TNRC6A: variants seen among roughly 807,000 people sequenced by gnomAD.
TNRC6A encodes the protein trinucleotide repeat-containing gene 6A protein.
In TNRC6A, 44 loss-of-function variants were observed where a neutral mutation model predicts 221.2. The ratio of observed to expected loss-of-function variants is 0.20; its 90% confidence interval spans 0.16 to 0.26. The LOEUF is 0.26. Ranked by LOEUF, TNRC6A falls within the 10% of genes least tolerant of loss-of-function variation. The pLI, the probability that TNRC6A is intolerant of heterozygous loss-of-function variation, is 1.00. For missense variants in TNRC6A, 2,199 were observed against 2,404.4 expected, an observed-to-expected ratio of 0.91 and a Z score of 1.79; for synonymous variants, 847 against 838.5, an observed-to-expected ratio of 1.01 and a Z score of -0.18.
In TNRC6A at chr16:24,789,633, C is replaced by T. The variant is rs2058053339; in HGVS notation, c.991C>T (p.Pro331Ser). Residue 331 changes from proline to serine, a missense_variant, in exon 6 of 25, where the codon CCT (proline) becomes TCT (serine). Coordinates refer to ENST00000395799, the MANE Select transcript of TNRC6A (RefSeq NM_014494.4). ...CACATGTCAGGTCTCTGTGGATGCTCCTGAAAGCAAATCTGAAAGTAGCAA... is the reference window on the plus strand; with the variant it reads ...CACATGTCAGGTCTCTGTGGATGCTTCTGAAAGCAAATCTGAAAGTAGCAA... Reference protein sequence around the residue: ...ISTCQVSVDAPESKSESSNNR... With the variant: ...ISTCQVSVDASESKSESSNNR... 1 of 1,614,040 alleles carries T rather than the reference C, an allele frequency of 6.2e-7. No homozygotes were observed. The highest frequency in any genetic ancestry group is 8.5e-7 in the Non-Finnish European group (1 of 1,180,010).
At chr16:24,727,386 A>G (rs778175909), upstream of TNRC6A, among the ~76,000 whole-genome samples, 5 of 152,026 alleles carry the variant, frequency 3.3e-5, no homozygotes, top group Non-Finnish European at 7.4e-5. Context: ...GGCTTTCTCA[A>G]CCTTGGTGCT....
chr16:24,688,192 G>A (rs1466833682), intron 2 of TNRC6A, among the ~76,000 whole-genome samples: 2 of 151,728 alleles, frequency 1.3e-5, no homozygotes, highest in Non-Finnish European at 1.5e-5. Flanking sequence ...GCTGATCTTG[G>A]CCTCCCAAAG....
intron 5 of TNRC6A, among the ~76,000 whole-genome samples, chr16:24,778,950 G>A (rs2057782937): frequency 6.6e-6 from 1 of 152,270 alleles, no homozygotes; most frequent in Admixed American, 6.5e-5. Context: ...AAGGAAGGTG[G>A]AATGGTACTG....
intron 2 of TNRC6A, among the ~76,000 whole-genome samples, chr16:24,653,799 T>G (rs903898343): frequency 2.0e-5 from 3 of 151,052 alleles, no homozygotes; most frequent in African/African-American, 7.3e-5. Context: ...AAAAGAAGCC[T>G]AGTTAACGTG....
At chr16:24,796,290 A>G (rs533531092) in intron 9 of TNRC6A, 103 of 232,410 alleles carry the variant, frequency 4.4e-4, no homozygotes, top group Non-Finnish European at 7.2e-4. Flanking sequence ...ATGCCAAGGA[A>G]TTTGAACTTT....
chr16:24,730,007 G>A (rs1267366240), intron 1 of TNRC6A, among the ~76,000 whole-genome samples, 161 bp downstream of exon 1: 1 of 147,858 alleles, frequency 6.8e-6, no homozygotes, highest in African/African-American at 2.4e-5. Context: ...GAGGCCGAGC[G>A]GGCGGCCCGG....
At chr16:24,744,103 A>C (rs2056951436) in intron 2 of TNRC6A, among the ~76,000 whole-genome samples, 1 of 152,172 alleles carries the variant, frequency 6.6e-6, no homozygotes, top group Non-Finnish European at 1.5e-5. Flanking sequence ...ACTTTGTAGA[A>C]TGTCCCTCAG....
intron 21 of TNRC6A, chr16:24,819,713 G>C: frequency 4.7e-6 from 1 of 213,458 alleles, no homozygotes; most frequent in South Asian, 7.4e-5. Flanking sequence ...GATCTCCTTT[G>C]GCAGCTCCTG....
chr16:24,620,452 T>C (rs1311946747), intron 1 of TNRC6A, among the ~76,000 whole-genome samples: 1 of 152,168 alleles, frequency 6.6e-6, no homozygotes, highest in Non-Finnish European at 1.5e-5. Context: ...TCAAAGAGTT[T>C]AGGCTTTCTT....
At chr16:24,789,197 A>G in intron 5 of TNRC6A, 35 bp from the exon 6 acceptor site, 1 of 1,525,756 alleles carries the variant, frequency 6.6e-7, no homozygotes, top group Non-Finnish European at 8.8e-7. Context: ...ATGGCCTAAC[A>G]CTTTATAAAT....
At chr16:24,782,915 C>G (rs978844151) in intron 5 of TNRC6A, among the ~76,000 whole-genome samples, 1 of 152,040 alleles carries the variant, frequency 6.6e-6, no homozygotes, top group African/African-American at 2.4e-5. Flanking sequence ...AAGGTTCTCT[C>G]GTATTCCCAA....
chr16:24,775,222 C>T (rs931377521), intron 4 of TNRC6A, among the ~76,000 whole-genome samples: 4 of 152,144 alleles, frequency 2.6e-5, no homozygotes, highest in Non-Finnish European at 5.9e-5. Context: ...ACAAAATTTT[C>T]ACCCATAATT....
intron 1 of TNRC6A, among the ~76,000 whole-genome samples, chr16:24,618,623 T>C (rs1030385175): frequency 2.0e-5 from 3 of 151,512 alleles, no homozygotes; most frequent in African/African-American, 7.3e-5. Context: ...TATCATTCCT[T>C]TTACTTTCCA....
chr16:24,616,357 GAAGAA>G (rs1160255451), intron 1 of TNRC6A, among the ~76,000 whole-genome samples: 2 of 141,400 alleles, frequency 1.4e-5, no homozygotes, highest in African/African-American at 5.2e-5. Flanking sequence ...AGAAGAAGAA[GAAGAA>G]AAGAAGATTG....
chr16:24,650,457 G>C (rs1162305688), intron 2 of TNRC6A, among the ~76,000 whole-genome samples: 1 of 152,072 alleles, frequency 6.6e-6, no homozygotes, highest in Non-Finnish European at 1.5e-5. Flanking sequence ...TTGAGGACAG[G>C]AGTTTGAGAC....
chr16:24,815,182 C>T lies in TNRC6A; in HGVS notation c.4708C>T (p.Pro1570Ser). ...AAGTGGTTTCAGGCTGGAAGAGTCT[C>T]CATTTGTTCCCTATGACTTTATGAA... Reference protein sequence around the residue: ...ISSGFRLEESPFVPYDFMNSS... With the variant: ...ISSGFRLEESSFVPYDFMNSS... The change falls in exon 19 of 25, where the codon CCA (proline) becomes TCA (serine). Residue 1570 changes from proline to serine, a missense_variant. Physicochemically the swap from Pro to Ser is moderately conservative, Grantham distance 74. Around this residue, in one of 8 missense-constraint regions of TNRC6A, gnomAD observed 449 missense variants for 579.7 expected, o/e 0.77. Coordinates refer to ENST00000395799, the MANE Select transcript of TNRC6A (RefSeq NM_014494.4). 6.2e-7 allele frequency: 1 copy of T among 1,614,208 alleles called. No homozygotes were observed. The highest frequency in any genetic ancestry group is 1.1e-5 in the South Asian group (1 of 91,084).
intron 1 of TNRC6A, among the ~76,000 whole-genome samples, chr16:24,621,398 G>A (rs1028078435): frequency 1.5e-4 from 18 of 122,180 alleles, no homozygotes; most frequent in African/African-American, 3.5e-4. Context: ...TCTCTCTGTC[G>A]CCCAGGCTGG....
intron 3 of TNRC6A, among the ~76,000 whole-genome samples, chr16:24,756,809 G>A (rs1019875520): frequency 1.3e-5 from 2 of 152,014 alleles, no homozygotes; most frequent in African/African-American, 4.8e-5. Flanking sequence ...TTTTTATGTG[G>A]TCATTGTTTC....
upstream of TNRC6A, among the ~76,000 whole-genome samples, chr16:24,728,963 G>T (rs2056541901): frequency 6.6e-6 from 1 of 151,958 alleles, no homozygotes. Flanking sequence ...TGTTTTTGAA[G>T]CCATCTAGTA....
Sources: allele counts gnomAD v4.1 joint callset (sites outside exome capture counted in the v4.1 genomes callset), GRCh38; gene constraint gnomAD v4.1.1; regional missense constraint gnomAD v4.1.1; transcripts MANE v1.5; gene names NCBI Gene and HGNC (gene_info 2026-07-23, HGNC 2026-07-21).